Variants in CCDC195 observed in about 807,000 individuals in gnomAD.
CCDC195 encodes the protein coiled-coil domain containing 195.
chr2:224,713,112 C>G (rs867955139), intron 1 of CCDC195, among the ~76,000 whole-genome samples: 1 of 152,066 alleles, frequency 6.6e-6, no homozygotes, highest in African/African-American at 2.4e-5. Flanking sequence ...CGTGATCCAC[C>G]CACCTTGGCC....
At chr2:224,709,337 G>A (rs1188263925) in intron 2 of CCDC195, among the ~76,000 whole-genome samples, 1 of 151,984 alleles carries the variant, frequency 6.6e-6, no homozygotes, top group Non-Finnish European at 1.5e-5. Context: ...GATCCAGCCC[G>A]CCTCGGCATC....
At chr2:224,705,442 A>G in intron 2 of CCDC195, among the ~76,000 whole-genome samples, 1 of 152,248 alleles carries the variant, frequency 6.6e-6, no homozygotes, top group East Asian at 1.9e-4. Context: ...TGATTCTTAG[A>G]AATATTGACA....
chr2:224,713,570 C>A (rs1301408412), intron 1 of CCDC195, among the ~76,000 whole-genome samples: 2 of 152,054 alleles, frequency 1.3e-5, no homozygotes, highest in Non-Finnish European at 2.9e-5. Context: ...TGTGACCTGC[C>A]CAGTGTTGAA....
chr2:224,706,189 CTTTTTTTTTTTTTT>C (rs201012911), intron 2 of CCDC195, among the ~76,000 whole-genome samples: 38 of 33,358 alleles, frequency 1.1e-3, no homozygotes, highest in South Asian at 8.0e-3. Flanking sequence ...TATTTTGTAA[CTTTTTTTTTTTTTT>C]TTTTTTTTTT....
At chr2:224,704,194 G>A (rs532797812) in intron 2 of CCDC195, among the ~76,000 whole-genome samples, 1 of 152,272 alleles carries the variant, frequency 6.6e-6, no homozygotes, top group South Asian at 2.1e-4. Flanking sequence ...CTCATTCTTA[G>A]GCAAAAGTCT....
At chr2:224,711,552 T>C (rs189298776) in intron 1 of CCDC195, among the ~76,000 whole-genome samples, 8 of 152,244 alleles carry the variant, frequency 5.3e-5, no homozygotes, top group Admixed American at 3.9e-4. Flanking sequence ...TCCATGTGGC[T>C]TACAACACTG....
At chr2:224,708,824 C>T (rs1689265478) in intron 2 of CCDC195, among the ~76,000 whole-genome samples, 1 of 152,310 alleles carries the variant, frequency 6.6e-6, no homozygotes, top group African/African-American at 2.4e-5. Context: ...GTCCCCTCCT[C>T]TTGATTTTCC....
intron 2 of CCDC195, among the ~76,000 whole-genome samples, chr2:224,704,169 A>G (rs1196699994): frequency 4.6e-5 from 7 of 152,224 alleles, no homozygotes; most frequent in Non-Finnish European, 8.8e-5. Flanking sequence ...TTTGATGTTC[A>G]AAGTGGAAGA....
At chr2:224,709,704 C>G (rs1689289632) in intron 2 of CCDC195, among the ~76,000 whole-genome samples, 1 of 152,084 alleles carries the variant, frequency 6.6e-6, no homozygotes, top group Admixed American at 6.6e-5. Flanking sequence ...ATCACCAGTG[C>G]CTGGCTTAGA....
At chr2:224,706,805 C>T (rs548999588) in intron 2 of CCDC195, among the ~76,000 whole-genome samples, 84 of 151,688 alleles carry the variant, frequency 5.5e-4, no homozygotes, top group Non-Finnish European at 9.1e-4. Flanking sequence ...CCACCGCGAC[C>T]GACACCTGGC....
At chr2:224,707,932 CTTCTT>C (rs947920516) in intron 2 of CCDC195, among the ~76,000 whole-genome samples, 18 of 150,622 alleles carry the variant, frequency 1.2e-4, no homozygotes, top group East Asian at 3.9e-4. Flanking sequence ...TCCTTCCTTT[CTTCTT>C]TTCTTTTCTT....
chr2:224,713,851 G>T lies in CCDC195; in HGVS notation c.235+2280C>A, dbSNP rs538085324. ...AAGGTCACTCTTGTCACCCAGGCTG[G>T]AGTACAGTGGTGCACCCTTAGCTCA... On this transcript the variant is annotated intron_variant, in intron 1 of 2. Coordinates refer to ENST00000638102, the Ensembl canonical transcript of CCDC195. 2.4e-3 allele frequency among the ~76,000 whole-genome samples: 350 copies of T among 144,622 alleles called. 1 individual carries two copies. Among genetic ancestry groups the T allele is most frequent in the African/African-American group, 8.8e-3 (340 of 38,470 alleles). The allele number at this position is 144,622 out of a possible 152,430, so 94.9% of individuals were successfully genotyped here.
At chr2:224,704,592 TTTTTTTTCTTTTCTTTTC>T (rs1697215296) in intron 2 of CCDC195, among the ~76,000 whole-genome samples, 3 of 146,236 alleles carry the variant, frequency 2.1e-5, no homozygotes, top group African/African-American at 7.9e-5. Context: ...GCTGCACCTT[TTTTTTTTCTTTTCTTTTC>T]TTTTTTTTTT....
At chr2:224,710,021 C>G (rs1418973978) in exon 2 of CCDC195, 1 of 398,486 alleles carries the variant, frequency 2.5e-6, no homozygotes. Flanking sequence ...GGTCCTATTG[C>G]TGGTGAGAGA....
chr2:224,710,079 A>G (rs996540560), exon 2 of CCDC195: 2 of 398,596 alleles, frequency 5.0e-6, no homozygotes, highest in Non-Finnish European at 8.8e-6. Flanking sequence ...TTAATTGGAG[A>G]ACATGCCAAT....
At chr2:224,708,785 C>T (rs1023750242) in intron 2 of CCDC195, among the ~76,000 whole-genome samples, 1 of 152,114 alleles carries the variant, frequency 6.6e-6, no homozygotes, top group Admixed American at 6.5e-5. Flanking sequence ...TTCTCTTTCC[C>T]GTGATAAGCT....
chr2:224,712,294 A>C (rs1356790234), intron 1 of CCDC195, among the ~76,000 whole-genome samples: 2 of 152,228 alleles, frequency 1.3e-5, no homozygotes, highest in African/African-American at 4.8e-5. Context: ...GAGGTCCAGC[A>C]ATGCTGTAAA....
chr2:224,715,972 T>C (rs1463946604), intron 1 of CCDC195, among the ~76,000 whole-genome samples, 159 bp downstream of exon 1: 1 of 152,226 alleles, frequency 6.6e-6, no homozygotes, highest in Non-Finnish European at 1.5e-5. Flanking sequence ...AAGCCATTTT[T>C]GTCTAGGGAT....
intron 2 of CCDC195, among the ~76,000 whole-genome samples, chr2:224,709,086 C>CTTTTTTTTT (rs35179742): frequency 4.7e-4 from 45 of 95,738 alleles, no homozygotes; most frequent in East Asian, 1.3e-3. Flanking sequence ...TTTCTTTTGT[C>CTTTTTTTTT]TTTTTTTTTT....
Sources: allele counts gnomAD v4.1 joint callset (sites outside exome capture counted in the v4.1 genomes callset), GRCh38; gene constraint gnomAD v4.1.1; transcripts MANE v1.5; gene names NCBI Gene and HGNC (gene_info 2026-07-23, HGNC 2026-07-21).